RGL1: variants seen among roughly 807,000 people sequenced by gnomAD.
RGL1 encodes ral guanine nucleotide dissociation stimulator like 1, also known as ral guanine nucleotide dissociation stimulator-like 1.
Under a neutral mutation model 95.2 loss-of-function variants are expected in RGL1, and 24 were observed. The observed-to-expected ratio is 0.25, with a 90% CI of 0.18 to 0.35. The LOEUF (loss-of-function observed/expected upper bound fraction) is 0.35, where lower values mean the gene tolerates loss of function less well. RGL1 is among the 10% of genes least tolerant of loss of function. The probability of loss-of-function intolerance (pLI) is 1.00; values close to 1 mark genes in which losing one functional copy is unlikely to be tolerated. For synonymous variants in RGL1, 329 were observed against 344.9 expected (o/e 0.95, Z 0.51); for missense variants, 715 against 936.3 (o/e 0.76, Z 3.08).
intron 11 of RGL1, among the ~76,000 whole-genome samples, chr1:183,901,315 A>G (rs1668008403): frequency 6.6e-6 from 1 of 151,968 alleles, no homozygotes; most frequent in African/African-American, 2.4e-5. Flanking sequence ...AAGAAAAAGA[A>G]TAAATAAATA....
At chr1:183,636,807 G>A (rs945839033) in intron 1 of RGL1, among the ~76,000 whole-genome samples, 1 of 152,196 alleles carries the variant, frequency 6.6e-6, no homozygotes, top group Non-Finnish European at 1.5e-5. Context: ...TGGAATGTAG[G>A]AGATAAAGGC....
At chr1:183,769,107 T>C (rs1167342005) in intron 2 of RGL1, among the ~76,000 whole-genome samples, 1 of 152,236 alleles carries the variant, frequency 6.6e-6, no homozygotes, top group African/African-American at 2.4e-5. Context: ...AGATTACTTA[T>C]GAGAACTGAG....
chr1:183,792,453 G>A (rs1332956462), intron 2 of RGL1, among the ~76,000 whole-genome samples: 1 of 152,014 alleles, frequency 6.6e-6, no homozygotes, highest in Non-Finnish European at 1.5e-5. Flanking sequence ...ATTCAACGTA[G>A]TAGTGGAAGT....
chr1:183,668,006 T>C lies in RGL1; in HGVS notation c.-33+31505T>C, dbSNP rs920603210. On this transcript the variant is annotated intron_variant, in intron 1 of 18. Transcript: ENST00000304685. ...TTTTACTTACATGCTTATATATATG[T>C]GTGTGTGTGTGTGTGTGTGTCTGTG... 1.9e-3 allele frequency among the ~76,000 whole-genome samples: 57 copies of C among 30,290 alleles called. 2 individuals carry two copies. Among genetic ancestry groups the C allele is most frequent in the Non-Finnish European group, 1.4e-4 (1 of 7,266 alleles). 19.9% of individuals were successfully genotyped at this position (30,290 alleles called of 152,430 possible). A position where few individuals can be genotyped will look rare whatever the true frequency, so the allele number is the denominator to read the frequency against.
intron 1 of RGL1, among the ~76,000 whole-genome samples, chr1:183,672,950 T>C (rs113385881): frequency 1.3e-5 from 2 of 152,364 alleles, no homozygotes; most frequent in African/African-American, 2.4e-5. Flanking sequence ...GTTTGTTACA[T>C]AGGTAAACAT....
At chr1:183,885,049 A>G (rs1021201917) in intron 7 of RGL1, 111 bp downstream of exon 7, 3 of 875,302 alleles carry the variant, frequency 3.4e-6, no homozygotes, top group Admixed American at 3.0e-5. Flanking sequence ...AAAAGACCAT[A>G]TATGAGAGCC....
chr1:183,805,250 G>A lies in RGL1; in HGVS notation c.-48G>A, dbSNP rs1173741967. ...CCCAGCAGACATTGCGTTGGCCTCC[G>A]AGCAGGGCGCATCATGCAGCGTTCG... On this transcript the variant is annotated 5_prime_UTR_variant, in exon 1 of 18. Transcript: ENST00000360851. The A allele has an allele frequency of 1.9e-6, 3 of 1,606,412 alleles. No homozygotes were observed. Among genetic ancestry groups the A allele is most frequent in the East Asian group, 2.2e-5 (1 of 44,632 alleles).
intron 1 of RGL1, among the ~76,000 whole-genome samples, chr1:183,741,232 T>C (rs963415586): frequency 1.3e-5 from 2 of 152,200 alleles, no homozygotes; most frequent in African/African-American, 4.8e-5. Flanking sequence ...GGAAAAGTTT[T>C]AGGTAGATGG....
chr1:183,664,122 G>A (rs998909043), intron 1 of RGL1, among the ~76,000 whole-genome samples: 6 of 150,880 alleles, frequency 4.0e-5, no homozygotes, highest in African/African-American at 1.5e-4. Flanking sequence ...TAAATGACAA[G>A]TTAATCGGTG....
intron 2 of RGL1, among the ~76,000 whole-genome samples, chr1:183,796,604 T>A (rs1369674197): frequency 6.6e-6 from 1 of 152,206 alleles, no homozygotes; most frequent in African/African-American, 2.4e-5. Context: ...AATCTAGTTG[T>A]CTCTAACTGC....
intron 3 of RGL1, among the ~76,000 whole-genome samples, chr1:183,865,203 G>T (rs1330811132): frequency 1.3e-5 from 2 of 152,158 alleles, no homozygotes; most frequent in African/African-American, 2.4e-5. Context: ...AAATAGGCTG[G>T]CTCACATGTG....
intron 1 of RGL1, among the ~76,000 whole-genome samples, chr1:183,674,847 C>A (rs925619666): frequency 6.6e-6 from 1 of 152,090 alleles, no homozygotes; most frequent in Non-Finnish European, 1.5e-5. Context: ...GTGTTAATGC[C>A]CCCCTTTCAA....
intron 4 of RGL1, among the ~76,000 whole-genome samples, chr1:183,874,325 A>T (rs1014579482): frequency 1.3e-5 from 2 of 152,184 alleles, no homozygotes; most frequent in Non-Finnish European, 2.9e-5. Flanking sequence ...TCCTCTGATA[A>T]AAATGAAAAT....
intron 1 of RGL1, among the ~76,000 whole-genome samples, chr1:183,671,695 T>C (rs950648849): frequency 6.6e-5 from 10 of 152,178 alleles, no homozygotes; most frequent in African/African-American, 1.9e-4. Flanking sequence ...ATTTTCAGCT[T>C]CTCTTGTCCC....
intron 1 of RGL1, among the ~76,000 whole-genome samples, chr1:183,672,914 C>T (rs982930464): frequency 2.0e-5 from 3 of 152,140 alleles, no homozygotes; most frequent in African/African-American, 7.2e-5. Flanking sequence ...ATTTTAAATT[C>T]TGGGGTACGT....
chr1:183,839,236 C>A (rs555253900), intron 2 of RGL1, among the ~76,000 whole-genome samples: 1 of 152,202 alleles, frequency 6.6e-6, no homozygotes, highest in African/African-American at 2.4e-5. Flanking sequence ...ATCTTAGACC[C>A]TTCTCCCAAC....
At chr1:183,684,015 T>C (rs1197507048) in intron 1 of RGL1, among the ~76,000 whole-genome samples, 1 of 152,186 alleles carries the variant, frequency 6.6e-6, no homozygotes, top group African/African-American at 2.4e-5. Flanking sequence ...TTCAGCTCCA[T>C]CAGGTCATTT....
At chr1:183,925,025 A>T (rs897092202) in intron 17 of RGL1, among the ~76,000 whole-genome samples, 1 of 152,148 alleles carries the variant, frequency 6.6e-6, no homozygotes, top group Non-Finnish European at 1.5e-5. Context: ...CTGAGTCAAA[A>T]TAACTTTGCT....
At chr1:183,809,537 C>G (rs1309989168) in intron 2 of RGL1, among the ~76,000 whole-genome samples, 1 of 152,184 alleles carries the variant, frequency 6.6e-6, no homozygotes, top group East Asian at 1.9e-4. Flanking sequence ...CCCATTTTCC[C>G]TTTACAATAA....
Sources: gnomAD v4.1 joint callset for allele counts (sites outside exome capture counted in the v4.1 genomes callset) on GRCh38, gnomAD v4.1.1 for gene constraint, MANE v1.5 for transcripts, NCBI Gene and HGNC (gene_info 2026-07-23, HGNC 2026-07-21) for gene names.